Variants in THOP1 observed in about 807,000 individuals in gnomAD.
THOP1 encodes thimet oligopeptidase.
Under a neutral mutation model 71.8 loss-of-function variants are expected in THOP1, and 49 were observed. The ratio of observed to expected loss-of-function variants is 0.68; its 90% CI spans 0.54 to 0.87. THOP1 has a LOEUF of 0.87. THOP1 is among the 40% of genes least tolerant of loss of function. The pLI is 0.00. For synonymous variants in THOP1, 426 were observed against 421.5 expected, an observed-to-expected ratio of 1.01 and a Z score of -0.13; for missense variants, 843 against 975.6, an observed-to-expected ratio of 0.86 and a Z score of 1.81.
chr19:2,794,801 C>G lies in THOP1; in HGVS notation c.267C>G (p.Ser89=). 6.2e-7 allele frequency: 1 copy of G among 1,613,860 alleles called. No individual in the cohort carries two copies. Among genetic ancestry groups the G allele is most frequent in the Non-Finnish European group, 8.5e-7 (1 of 1,179,898 alleles). ...TCCTTGACTTCCCCCAGCATGTTTCCCCCTCCAAGGACATCCGGACAGCCA... is the reference window on the plus strand; with the variant it reads ...TCCTTGACTTCCCCCAGCATGTTTCGCCCTCCAAGGACATCCGGACAGCCA... The part of the protein sequence containing the change: ...RNILDFPQHV[S]PSKDIRTAST... Residue 89 remains serine, a synonymous_variant, in exon 3 of 13, where the codon TCC becomes TCG. Coordinates refer to ENST00000307741, the MANE Select transcript of THOP1 (RefSeq NM_003249.5).
At chr19:2,802,659 C>T (rs150774362) in intron 5 of THOP1, among the ~76,000 whole-genome samples, 14 of 152,232 alleles carry the variant, frequency 9.2e-5, no homozygotes, top group South Asian at 6.2e-4. Flanking sequence ...TTGGAGGGGA[C>T]GCACCCAACC....
intron 11 of THOP1, 82 bp downstream of exon 11, chr19:2,810,850 T>C: frequency 2.0e-6 from 3 of 1,510,112 alleles, no homozygotes; most frequent in African/African-American, 1.4e-5. Flanking sequence ...TTGGTCCCCA[T>C]GCTTCACTTA....
chr19:2,806,948 C>T lies in THOP1; in HGVS notation c.782C>T (p.Thr261Met), dbSNP rs770134379. 2.0e-5 allele frequency: 33 copies of T among 1,612,912 alleles called. No homozygotes were observed. The highest frequency in any genetic ancestry group is 1.3e-4 in the African/African-American group (10 of 74,894). The change falls in exon 7 of 13, where the codon ACG becomes ATG. Residue 261 changes from threonine to methionine, a missense_variant. Physicochemically the swap from Thr to Met is moderately conservative, Grantham distance 81. Transcript: ENST00000307741. ...ENCAILKELV[T>M]LRAQKSRLLG... is the part of the protein sequence containing the mutation. ...TGCGCTATCCTCAAGGAGCTGGTGA[C>T]GCTGCGGGCCCAGAAGTCCCGCCTG...
At chr19:2,812,390 A>G in intron 12 of THOP1, 2 of 1,500,264 alleles carry the variant, frequency 1.3e-6, no homozygotes, top group Non-Finnish European at 1.8e-6. Context: ...GGAGCCACCA[A>G]GCAGGCACTC....
intron 2 of THOP1, among the ~76,000 whole-genome samples, chr19:2,792,352 A>G (rs993738375): frequency 6.7e-6 from 1 of 149,418 alleles, no homozygotes; most frequent in Non-Finnish European, 1.5e-5. Flanking sequence ...TTTGGTAGAG[A>G]TGAGGTCTTG....
Position 2,785,537 on chromosome 19 carries a change from G to A in THOP1, c.-126G>A, listed in dbSNP as rs1381805053. ...CGGGAGCGCGGGCGGCGGGCCCCTT[G>A]GTCCTCAGGCGGCCGTGGCGGCGGT... On this transcript the variant is annotated 5_prime_UTR_variant, in exon 1 of 13. An upstream open reading frame in the 5' UTR gains an earlier in-frame stop. Transcript: ENST00000307741. 1.7e-6 allele frequency: 2 copies of A among 1,154,094 alleles called. No individual in the cohort carries two copies. The highest frequency in any genetic ancestry group is 2.3e-6 in the Non-Finnish European group (2 of 878,192). 71.5% of individuals were successfully genotyped at this position (1,154,094 alleles called of 1,614,324 possible).
intron 9 of THOP1, 145 bp from the exon 10 acceptor site, chr19:2,810,159 T>C (rs1380283006): frequency 2.7e-6 from 3 of 1,098,004 alleles, no homozygotes; most frequent in Admixed American, 2.8e-5. Flanking sequence ...CCCGGTCGTT[T>C]TCCAGTTTTG....
In THOP1 at chr19:2,785,917, C is replaced by T. The variant is rs193039184; in HGVS notation, c.16+239C>T. 2.6e-3 allele frequency among the ~76,000 whole-genome samples: 402 copies of T among 152,280 alleles called. 2 individuals are homozygous for T. The highest frequency in any genetic ancestry group is 4.3e-3 in the Non-Finnish European group (293 of 68,022). On this transcript the variant is annotated intron_variant, in intron 1 of 12. Coordinates refer to ENST00000307741, the MANE Select transcript of THOP1 (RefSeq NM_003249.5). ...GCGCTTCCCTTCCGGATGGGTCGGG[C>T]CCCGTGGCGGACCCTGGGGAGGCCG... is the stretch of plus-strand genomic sequence containing the variant.
chr19:2,790,018 G>A (rs1915839421), intron 1 of THOP1: 2 of 161,312 alleles, frequency 1.2e-5, no homozygotes, highest in Admixed American at 6.3e-5. Flanking sequence ...CTCCCAAAGT[G>A]CTGGGATTAC....
rs1054878792 is a variant in THOP1, at chr19:2,790,289, C to A, written c.17-132C>A. The A allele has an allele frequency of 1.4e-5, 12 of 834,560 alleles. No homozygotes were observed. The African/African-American group carries it at 2.1e-4, about 14-fold the overall frequency. 51.7% of individuals were successfully genotyped at this position (834,560 alleles called of 1,614,324 possible). A position where few individuals can be genotyped will look rare whatever the true frequency, so the allele number is the denominator to read the frequency against. Reference sequence around the variant, plus strand: ...AGAGGACTGGTCAGTCTGTGCTTCCCTACAAGAGCCCTGGACCTCACTCTT... The same window carrying A: ...AGAGGACTGGTCAGTCTGTGCTTCCATACAAGAGCCCTGGACCTCACTCTT... On this transcript the variant is annotated intron_variant, in intron 1 of 12. Coordinates refer to ENST00000307741, the MANE Select transcript of THOP1 (RefSeq NM_003249.5).
intron 2 of THOP1, among the ~76,000 whole-genome samples, chr19:2,792,509 C>A (rs954248787): frequency 1.4e-5 from 2 of 139,414 alleles, no homozygotes; most frequent in Non-Finnish European, 3.1e-5. Context: ...ACGTGCGGAG[C>A]CTCCTCCAAA....
At position 2,807,063 on chromosome 19, in the gene THOP1, C is replaced by T. The variant is rs754158408; in HGVS notation, c.886+11C>T. On this transcript the variant is annotated intron_variant, in intron 7 of 12. Transcript: ENST00000307741. ...TGGCCACCTTCCTAGGTAGCCCTTC[C>T]TTCCTCCTCCACTGGGGTCCCTGTG... is the stretch of plus-strand genomic sequence containing the variant. The T allele has an allele frequency of 8.1e-6, 13 of 1,604,130 alleles. No homozygotes were observed. Among genetic ancestry groups the T allele is most frequent in the Non-Finnish European group, 1.1e-5 (13 of 1,175,838 alleles).
chr19:2,799,404 C>T (rs756525991), intron 4 of THOP1, among the ~76,000 whole-genome samples: 2 of 152,196 alleles, frequency 1.3e-5, no homozygotes, highest in Non-Finnish European at 2.9e-5. Flanking sequence ...CACTCTTGGC[C>T]AGGGCCACAC....
In THOP1 at chr19:2,794,915, G is replaced by A. The variant is rs765172028; in HGVS notation, c.378+3G>A. On this transcript the variant is annotated splice_donor_region_variant and intron_variant, in intron 3 of 12. Transcript: ENST00000307741. ...ACCAGAGGATCGTGTGGCTCCAGGT[G>A]AGGGGGCCCTGCGGGGAGTGCAAAT... 1 of 1,608,644 alleles carries A rather than the reference G, an allele frequency of 6.2e-7. No individual in the cohort carries two copies. The highest frequency in any genetic ancestry group is 1.1e-5 in the South Asian group (1 of 90,970).
chr19:2,806,789 C>G, intron 6 of THOP1, 128 bp from the exon 7 acceptor site: 1 of 1,511,252 alleles, frequency 6.6e-7, no homozygotes. Flanking sequence ...TAACACAGGC[C>G]GAGAGGGGCA....
intron 4 of THOP1, among the ~76,000 whole-genome samples, chr19:2,798,886 C>T (rs1488040852): frequency 6.6e-6 from 1 of 152,258 alleles, no homozygotes; most frequent in African/African-American, 2.4e-5. Context: ...GGCCTCAAGC[C>T]AGGTCCTTGT....
At position 2,807,817 on chromosome 19, in the gene THOP1, G is replaced by C; in HGVS notation, c.1253+9G>C. 1 of 1,463,510 alleles carries C rather than the reference G, an allele frequency of 6.8e-7. No individual in the cohort carries two copies. Among genetic ancestry groups the C allele is most frequent in the Non-Finnish European group, 9.0e-7 (1 of 1,110,848 alleles). The allele number at this position is 1,463,510 out of a possible 1,614,324, so 90.7% of individuals were successfully genotyped here. A position where few individuals can be genotyped will look rare whatever the true frequency, so the allele number is the denominator to read the frequency against. On this transcript the variant is annotated intron_variant, in intron 8 of 12. Transcript: ENST00000307741. ...CTGGACCTGTACCCGCGGTGGGTGA[G>C]GGCAGCGGGGGCGGGGGGCGCACCC...
At chr19:2,806,383 G>A (rs1916293080) in intron 6 of THOP1, 1 of 155,888 alleles carries the variant, frequency 6.4e-6, no homozygotes, top group Non-Finnish European at 1.4e-5. Context: ...TGCTCTGCAC[G>A]CACCTGCTGG....
Position 2,805,036 on chromosome 19 carries a change from C to G in THOP1, c.610C>G (p.Leu204Val), listed in dbSNP as rs146186757. ...CATAGGAGGGCTCCCCGAGGACTTT[C>G]TGAACTCCCTGGAGAAGATGGAGGA... ...QELGGLPEDF[L>V]NSLEKMEDGK... The change falls in exon 6 of 13, where the codon CTG (leucine) becomes GTG (valine). Residue 204 changes from leucine to valine, a missense_variant. Leu to Val is a conservative substitution (Grantham distance 32, BLOSUM62 1). Coordinates refer to ENST00000307741, the MANE Select transcript of THOP1 (RefSeq NM_003249.5). The surrounding 1 kb of genome is among the most constrained non-coding windows in gnomAD (Gnocchi z 6.6). 589 of 1,612,514 alleles carry G rather than the reference C, an allele frequency of 3.7e-4. 1 individual carries two copies. The African/African-American group carries it at 7.1e-3, about 20-fold the overall frequency.
Sources: gnomAD v4.1 joint callset for allele counts (sites outside exome capture counted in the v4.1 genomes callset) on GRCh38, gnomAD v4.1.1 for gene constraint, Gnocchi (gnomAD v3.1) non-coding constraint, MANE v1.5 for transcripts, NCBI Gene and HGNC (gene_info 2026-07-23, HGNC 2026-07-21) for gene names.